ESRRG: variants seen among roughly 807,000 people sequenced by gnomAD.
The protein encoded by ESRRG is estrogen-related receptor gamma.
In ESRRG, 13 loss-of-function variants were observed where a neutral mutation model predicts 44.0. The observed-to-expected ratio is 0.30, with a 90% confidence interval of 0.19 to 0.47. ESRRG has a LOEUF of 0.47. ESRRG is among the 20% of genes least tolerant of loss of function. The pLI is 1.00. For synonymous variants in ESRRG, 215 were observed against 214.6 expected, an observed-to-expected ratio of 1.00 and a Z score of -0.02; for missense variants, 395 against 580.6, an observed-to-expected ratio of 0.68 and a Z score of 3.29.
intron 2 of ESRRG, among the ~76,000 whole-genome samples, chr1:216,891,706 C>T (rs147939425): frequency 6.6e-6 from 1 of 151,584 alleles, no homozygotes; most frequent in Non-Finnish European, 1.5e-5. Context: ...TTCATGGAGA[C>T]CTTTTTTAGG....
At chr1:216,683,708 A>C (rs953012244) in intron 1 of ESRRG, among the ~76,000 whole-genome samples, 2 of 152,200 alleles carry the variant, frequency 1.3e-5, no homozygotes, top group African/African-American at 4.8e-5. Flanking sequence ...TGATCATCGA[A>C]ATAAAAGTGT....
At chr1:216,783,283 T>C (rs6661445) in intron 2 of ESRRG, among the ~76,000 whole-genome samples, 2,788 of 152,132 alleles carry the variant, frequency 0.018, 91 homozygotes, top group African/African-American at 0.062. Context: ...AGAGTGACCA[T>C]GTCTGAGAAA....
At chr1:216,837,454 G>A (rs1327087510) in intron 2 of ESRRG, among the ~76,000 whole-genome samples, 1 of 151,610 alleles carries the variant, frequency 6.6e-6, no homozygotes, top group African/African-American at 2.4e-5. Context: ...CCAATTTTTA[G>A]AATATTAAAA....
chr1:217,081,384 C>T (rs1027055120), intron 1 of ESRRG, among the ~76,000 whole-genome samples: 111 of 151,776 alleles, frequency 7.3e-4, no homozygotes, highest in African/African-American at 2.6e-3. Flanking sequence ...TGAGCCACCA[C>T]GCCCAGCTGA....
chr1:216,608,223 C>T (rs1574018408), intron 3 of ESRRG, among the ~76,000 whole-genome samples: 1 of 152,128 alleles, frequency 6.6e-6, no homozygotes, highest in South Asian at 2.1e-4. Context: ...GCCATGTTTG[C>T]ATCTTTTATC....
intron 2 of ESRRG, among the ~76,000 whole-genome samples, chr1:216,752,316 A>G (rs554496158): frequency 6.6e-6 from 1 of 152,260 alleles, no homozygotes; most frequent in Admixed American, 6.5e-5. Context: ...ATTTTCTGAA[A>G]GGTTCTATCA....
intron 1 of ESRRG, among the ~76,000 whole-genome samples, chr1:217,122,093 T>C (rs984393787): frequency 1.3e-5 from 2 of 152,198 alleles, no homozygotes; most frequent in Non-Finnish European, 2.9e-5. Context: ...AGATCAATCA[T>C]TCCTCTTTTT....
chr1:216,850,176 C>A (rs904060879), intron 2 of ESRRG, among the ~76,000 whole-genome samples: 1 of 152,018 alleles, frequency 6.6e-6, no homozygotes, highest in Non-Finnish European at 1.5e-5. Context: ...CCATTGGCAT[C>A]ATCCAAATAA....
rs78193936 is a variant in ESRRG, at chr1:216,997,036, T to C, written c.-105-57363A>G. On this transcript the variant is annotated intron_variant, in intron 1 of 7. Transcript: ENST00000359162. ...TTCTCAATAGAATTAGATGACATTATGACATGTGCCCATTTAGAATGGAAC... is the reference window on the plus strand; with the variant it reads ...TTCTCAATAGAATTAGATGACATTACGACATGTGCCCATTTAGAATGGAAC... Among the ~76,000 whole-genome samples the C allele has an allele frequency of 3.4e-3, 515 of 152,274 alleles. 3 individuals are homozygous for C. Among genetic ancestry groups the C allele is most frequent in the African/African-American group, 0.012 (490 of 41,536 alleles).
chr1:217,073,903 T>C (rs1482624286), intron 1 of ESRRG, among the ~76,000 whole-genome samples: 5 of 152,122 alleles, frequency 3.3e-5, no homozygotes, highest in Admixed American at 2.6e-4. Context: ...AGTGAACATG[T>C]AGACAATACT....
intron 1 of ESRRG, among the ~76,000 whole-genome samples, chr1:216,970,261 T>C (rs543954782): frequency 6.6e-6 from 1 of 152,284 alleles, no homozygotes; most frequent in South Asian, 2.1e-4. Flanking sequence ...TAATGTGCAG[T>C]TGGGTAAATG....
chr1:216,533,335 TAA>T (rs779484655), intron 5 of ESRRG, among the ~76,000 whole-genome samples: 4 of 152,118 alleles, frequency 2.6e-5, no homozygotes, highest in Non-Finnish European at 5.9e-5. Flanking sequence ...ATGAAAACGG[TAA>T]AGTCTTCCTT....
intron 2 of ESRRG, among the ~76,000 whole-genome samples, chr1:216,855,367 C>G (rs1318339916): frequency 6.6e-6 from 1 of 151,964 alleles, no homozygotes; most frequent in Non-Finnish European, 1.5e-5. Context: ...TTCTTTGGTG[C>G]CAGTCACTGG....
At chr1:216,874,741 G>A (rs1266767162) in intron 2 of ESRRG, among the ~76,000 whole-genome samples, 2 of 152,220 alleles carry the variant, frequency 1.3e-5, no homozygotes, top group African/African-American at 4.8e-5. Flanking sequence ...TGAGTCAGTG[G>A]AGAGGGAGAG....
At chr1:217,004,973 G>T (rs997494487) in intron 1 of ESRRG, among the ~76,000 whole-genome samples, 2 of 152,058 alleles carry the variant, frequency 1.3e-5, no homozygotes, top group African/African-American at 4.8e-5. Flanking sequence ...CAATCAAACT[G>T]CATTTAGTTA....
intron 1 of ESRRG, among the ~76,000 whole-genome samples, chr1:216,998,761 G>A (rs1333522154): frequency 6.6e-6 from 1 of 152,066 alleles, no homozygotes; most frequent in African/African-American, 2.4e-5. Context: ...CCAAGGTATT[G>A]GACAAGTAAG....
In ESRRG at chr1:217,009,433, A is replaced by T. The variant is rs1457633654; in HGVS notation, c.-105-69760T>A. On this transcript the variant is annotated intron_variant, in intron 1 of 7. Transcript: ENST00000359162. ...TCCAAAAGACACAGAGGGACAGCCC[A>T]AGTCATTCAAATAAGCTCACGATTT... Among the ~76,000 whole-genome samples the T allele has an allele frequency of 4.6e-5, 7 of 152,322 alleles. No homozygotes were observed. In the East Asian group the frequency reaches 9.6e-4, roughly 21 times the overall value.
At chr1:216,598,682 A>G (rs755459696) in intron 3 of ESRRG, among the ~76,000 whole-genome samples, 15 of 152,142 alleles carry the variant, frequency 9.9e-5, no homozygotes, top group Non-Finnish European at 2.1e-4. Flanking sequence ...CAAGTCAGTG[A>G]AATATGCTTT....
At chr1:217,113,539 A>G (rs368904430) in intron 1 of ESRRG, among the ~76,000 whole-genome samples, 2 of 152,206 alleles carry the variant, frequency 1.3e-5, no homozygotes, top group South Asian at 2.1e-4. Context: ...GATTTAGATG[A>G]CAAAATCCTG....
Sources: allele counts gnomAD v4.1 joint callset (sites outside exome capture counted in the v4.1 genomes callset), GRCh38; gene constraint gnomAD v4.1.1; transcripts MANE v1.5; gene names NCBI Gene and HGNC (gene_info 2026-07-23, HGNC 2026-07-21).